Variants in CTNND2 observed in about 807,000 individuals in gnomAD.
CTNND2 encodes catenin delta-2.
A neutral mutation model predicts 144.4 loss-of-function variants in CTNND2; 22 were observed. The observed-to-expected ratio is 0.15, with a 90% confidence interval of 0.11 to 0.22. CTNND2 has a LOEUF of 0.22. Among genes scored for constraint, CTNND2 ranks in the 10% least tolerant of loss-of-function variants. The pLI is 1.00. For synonymous variants in CTNND2, 751 were observed against 695.6 expected (o/e 1.08, Z -1.25); for missense variants, 1,353 against 1,618.8 (o/e 0.84, Z 2.82).
intron 11 of CTNND2, among the ~76,000 whole-genome samples, chr5:11,196,403 T>C (rs1280782349): frequency 6.6e-6 from 1 of 152,138 alleles, no homozygotes; most frequent in Admixed American, 6.5e-5. Flanking sequence ...AGATAATAGG[T>C]AGGAAAGTGA....
chr5:11,523,912 C>G (rs1772984028), intron 3 of CTNND2, among the ~76,000 whole-genome samples: 2 of 152,206 alleles, frequency 1.3e-5, no homozygotes, highest in Admixed American at 1.3e-4. Flanking sequence ...CTATGGCCTT[C>G]AGTTCTGGTG....
intron 1 of CTNND2, among the ~76,000 whole-genome samples, chr5:11,855,427 C>T (rs569556972): frequency 2.4e-4 from 37 of 152,274 alleles, no homozygotes; most frequent in African/African-American, 8.7e-4. Context: ...CACTATGATA[C>T]GTGCTCAACA....
chr5:11,314,153 G>C (rs550682248), intron 9 of CTNND2, among the ~76,000 whole-genome samples: 44 of 152,256 alleles, frequency 2.9e-4, no homozygotes, highest in Non-Finnish European at 1.6e-4. Context: ...TCAATCTTAG[G>C]AGGTAGGGTC....
At chr5:11,354,761 C>T (rs902433423) in intron 8 of CTNND2, among the ~76,000 whole-genome samples, 2 of 152,142 alleles carry the variant, frequency 1.3e-5, no homozygotes, top group East Asian at 3.8e-4. Context: ...ACCTAACAGA[C>T]ATTTATAGAA....
intron 6 of CTNND2, among the ~76,000 whole-genome samples, chr5:11,395,555 T>C (rs1760019877): frequency 6.6e-6 from 1 of 152,238 alleles, no homozygotes; most frequent in Non-Finnish European, 1.5e-5. Context: ...AGAGCTTTGA[T>C]ATCTTTATAA....
chr5:10,990,010 C>T (rs192067321), intron 19 of CTNND2, among the ~76,000 whole-genome samples: 58 of 152,340 alleles, frequency 3.8e-4, no homozygotes, highest in African/African-American at 9.9e-4. Context: ...GAACCCCACC[C>T]AATGCCAGCT....
rs540043944 is a variant in CTNND2, at chr5:11,126,848, G to A, written c.2160-9281C>T. Among the ~76,000 whole-genome samples the A allele has an allele frequency of 2.2e-4, 33 of 152,304 alleles. No individual in the cohort carries two copies. The South Asian group carries it at 6.4e-3, about 30-fold the overall frequency. ...ACACTTACAGCAGCAAGTCATGGGT[G>A]GTAACTTAAAAAATAAGGACACGGA... On this transcript the variant is annotated intron_variant, in intron 12 of 21. Coordinates refer to ENST00000304623, the MANE Select transcript of CTNND2 (RefSeq NM_001332.4).
intron 7 of CTNND2, among the ~76,000 whole-genome samples, chr5:11,367,921 T>G (rs1757128660): frequency 6.6e-6 from 1 of 152,228 alleles, no homozygotes; most frequent in East Asian, 1.9e-4. Context: ...CATGACCAAT[T>G]ACCGCAACAA....
intron 3 of CTNND2, among the ~76,000 whole-genome samples, chr5:11,485,649 A>G (rs1291665272): frequency 9.2e-5 from 14 of 152,182 alleles, no homozygotes; most frequent in Non-Finnish European, 4.4e-5. Flanking sequence ...GGTAAACAAT[A>G]ATATTTAACA....
chr5:11,467,229 T>TCCCAGGCTGGCCTGCCCGAC (rs916397986), intron 3 of CTNND2, among the ~76,000 whole-genome samples: 7 of 152,228 alleles, frequency 4.6e-5, no homozygotes, highest in African/African-American at 1.7e-4. Flanking sequence ...AGCTCAGCTC[T>TCCCAGGCTGGCCTGCCCGAC]CCCAGGCTGG....
Position 11,085,503 on chromosome 5 carries a change from T to C in CTNND2, c.2638-2657A>G, listed in dbSNP as rs568034002. Reference sequence around the variant, plus strand: ...GGAAAGGATCCCTTCCTGCAGGTGATGGGACAAAGCTTTTGCACTCCTCTT... The same window carrying C: ...GGAAAGGATCCCTTCCTGCAGGTGACGGGACAAAGCTTTTGCACTCCTCTT... On this transcript the variant is annotated intron_variant, in intron 15 of 21. Coordinates refer to ENST00000304623, the MANE Select transcript of CTNND2 (RefSeq NM_001332.4). 4.6e-5 allele frequency among the ~76,000 whole-genome samples: 7 copies of C among 152,316 alleles called. No homozygotes were observed. The East Asian group carries it at 5.8e-4, about 13-fold the overall frequency.
chr5:11,102,287 C>T (rs1751978077), intron 14 of CTNND2, among the ~76,000 whole-genome samples: 2 of 152,180 alleles, frequency 1.3e-5, no homozygotes, highest in African/African-American at 4.8e-5. Flanking sequence ...GGAAAACAGA[C>T]CAAAGGATAT....
chr5:11,052,284 A>T (rs1257992079), intron 16 of CTNND2, among the ~76,000 whole-genome samples: 1 of 152,188 alleles, frequency 6.6e-6, no homozygotes, highest in African/African-American at 2.4e-5. Context: ...TTCATGGAGA[A>T]CTAAAACTAT....
At chr5:11,556,424 ATTAT>A (rs1776245313) in intron 3 of CTNND2, among the ~76,000 whole-genome samples, 1 of 152,296 alleles carries the variant, frequency 6.6e-6, no homozygotes, top group Admixed American at 6.5e-5. Context: ...ATATTCCTAT[ATTAT>A]TTATTTCCTC....
rs560496381 is a variant in CTNND2 at position 11,241,080 on chromosome 5, C to T, written c.1629-4257G>A. On this transcript the variant is annotated intron_variant, in intron 9 of 21. Coordinates refer to ENST00000304623, the MANE Select transcript of CTNND2 (RefSeq NM_001332.4). ...CCACACACACCTAACACCCAACACACACACACCCAATACACACACCCAACA... is the reference window on the plus strand; with the variant it reads ...CCACACACACCTAACACCCAACACATACACACCCAATACACACACCCAACA... Among the ~76,000 whole-genome samples, 8 of 151,638 alleles carry T rather than the reference C, an allele frequency of 5.3e-5. 1 individual carries two copies. In the South Asian group the frequency reaches 1.7e-3, roughly 32 times the overall value.
intron 1 of CTNND2, among the ~76,000 whole-genome samples, chr5:11,861,877 C>T (rs548535396): frequency 1.3e-5 from 2 of 152,266 alleles, no homozygotes; most frequent in Admixed American, 1.3e-4. Context: ...ACCTTAGGGA[C>T]CCAATTTACT....
chr5:11,318,340 C>A (rs1354458655), intron 9 of CTNND2, among the ~76,000 whole-genome samples: 1 of 152,142 alleles, frequency 6.6e-6, no homozygotes, highest in African/African-American at 2.4e-5. Context: ...AGGTCCTGAA[C>A]GTGACCAAAG....
At chr5:11,428,221 A>T (rs1762968806) in intron 3 of CTNND2, among the ~76,000 whole-genome samples, 1 of 152,156 alleles carries the variant, frequency 6.6e-6, no homozygotes, top group African/African-American at 2.4e-5. Context: ...TCTGACTATC[A>T]ACAATCCCCG....
intron 16 of CTNND2, among the ~76,000 whole-genome samples, chr5:11,060,998 A>C (rs1746908625): frequency 6.6e-6 from 1 of 152,128 alleles, no homozygotes; most frequent in African/African-American, 2.4e-5. Flanking sequence ...CACACAGATT[A>C]ATATCTCAGT....
Sources: gnomAD v4.1 joint callset for allele counts (sites outside exome capture counted in the v4.1 genomes callset) on GRCh38, gnomAD v4.1.1 for gene constraint, MANE v1.5 for transcripts, NCBI Gene and HGNC (gene_info 2026-07-23, HGNC 2026-07-21) for gene names.